SLC9A9: variants seen among roughly 807,000 people sequenced by gnomAD.
SLC9A9 encodes the protein sodium/hydrogen exchanger 9.
A neutral mutation model predicts 77.8 loss-of-function variants in SLC9A9; 62 were observed. The ratio of observed to expected loss-of-function variants is 0.80; its 90% CI spans 0.65 to 0.98. The LOEUF is 0.98. SLC9A9 is among the 50% of genes least tolerant of loss of function. SLC9A9 has a pLI of 0.00. For missense variants in SLC9A9, 775 were observed against 774.9 expected (o/e 1.00, Z 0.00); for synonymous variants, 320 against 283.5 (o/e 1.13, Z -1.29).
At chr3:143,654,674 G>T (rs575835784) in intron 5 of SLC9A9, among the ~76,000 whole-genome samples, 2 of 152,206 alleles carry the variant, frequency 1.3e-5, no homozygotes, top group Non-Finnish European at 2.9e-5. Context: ...TTCTATCATG[G>T]CCTCTCTATT....
At position 143,772,022 on chromosome 3, in the gene SLC9A9, A is replaced by ATGTGTGTGTGTG. The variant is rs55750613; in HGVS notation, c.533+22967_533+22978dup. ...AAGACAGCCTCAGAGCATCCCCAGA[A>ATGTGTGTGTGTG]TGTGTGTGTGTGTGTGTGTGTGTGT... On this transcript the variant is annotated intron_variant, in intron 4 of 15. Coordinates refer to ENST00000316549, the MANE Select transcript of SLC9A9 (RefSeq NM_173653.4). Among the ~76,000 whole-genome samples, 1,335 of 141,686 alleles carry ATGTGTGTGTGTG rather than the reference A, an allele frequency of 9.4e-3. 12 individuals carry two copies. The highest frequency in any genetic ancestry group is 0.016 in the East Asian group (76 of 4,724). 93.0% of individuals were successfully genotyped at this position (141,686 alleles called of 152,430 possible).
intron 4 of SLC9A9, among the ~76,000 whole-genome samples, chr3:143,781,157 G>A (rs540295229): frequency 6.6e-6 from 1 of 152,136 alleles, no homozygotes; most frequent in Admixed American, 6.5e-5. Context: ...TTACATTAGG[G>A]TTCACTATTT....
intron 4 of SLC9A9, among the ~76,000 whole-genome samples, chr3:143,762,668 C>G (rs7612639): frequency 0.41 from 62,856 of 151,960 alleles, 14,045 homozygotes; most frequent in African/African-American, 0.58. Context: ...GCAATTGATA[C>G]ACCTGTGTAT....
chr3:143,318,627 G>T (rs1343636977), intron 14 of SLC9A9, among the ~76,000 whole-genome samples: 2 of 152,096 alleles, frequency 1.3e-5, no homozygotes, highest in Non-Finnish European at 2.9e-5. Flanking sequence ...GCTATTTGTG[G>T]GGTACGAACT....
At chr3:143,472,532 ACT>A (rs2035395977) in intron 11 of SLC9A9, among the ~76,000 whole-genome samples, 1 of 152,158 alleles carries the variant, frequency 6.6e-6, no homozygotes. Context: ...CAAATGAGAC[ACT>A]GTTTTCTCCA....
chr3:143,551,110 T>C (rs565612795), intron 9 of SLC9A9, among the ~76,000 whole-genome samples: 1 of 152,126 alleles, frequency 6.6e-6, no homozygotes, highest in East Asian at 1.9e-4. Flanking sequence ...GCAGGGAGAA[T>C]GCTACATGAA....
intron 4 of SLC9A9, among the ~76,000 whole-genome samples, chr3:143,749,632 C>A (rs576874055): frequency 1.3e-5 from 2 of 152,132 alleles, no homozygotes; most frequent in Non-Finnish European, 2.9e-5. Context: ...GCTAGAGTTG[C>A]GGAGAATGGT....
chr3:143,634,010 T>C (rs1474012557), intron 6 of SLC9A9, among the ~76,000 whole-genome samples: 1 of 152,210 alleles, frequency 6.6e-6, no homozygotes, highest in Non-Finnish European at 1.5e-5. Context: ...TCACATTCTT[T>C]CCCTCAGAAG....
At chr3:143,384,631 G>T (rs1027006391) in intron 12 of SLC9A9, among the ~76,000 whole-genome samples, 2 of 152,222 alleles carry the variant, frequency 1.3e-5, no homozygotes, top group Non-Finnish European at 2.9e-5. Flanking sequence ...ATGGGGCAGA[G>T]GAAGTGATGA....
chr3:143,818,788 A>C (rs1180443551), intron 2 of SLC9A9, among the ~76,000 whole-genome samples: 1 of 152,102 alleles, frequency 6.6e-6, no homozygotes, highest in African/African-American at 2.4e-5. Context: ...AACGGTTAAA[A>C]ACTGGAGGAT....
chr3:143,763,742 T>C (rs1445010095), intron 4 of SLC9A9, among the ~76,000 whole-genome samples: 1 of 151,998 alleles, frequency 6.6e-6, no homozygotes, highest in Non-Finnish European at 1.5e-5. Flanking sequence ...TTTCTTTTTG[T>C]CATAAACCAT....
At chr3:143,777,641 CA>C (rs1361796130) in intron 4 of SLC9A9, among the ~76,000 whole-genome samples, 1 of 151,740 alleles carries the variant, frequency 6.6e-6, no homozygotes, top group Non-Finnish European at 1.5e-5. Flanking sequence ...CACTGTTTCT[CA>C]AACTCTCTGT....
intron 8 of SLC9A9, among the ~76,000 whole-genome samples, chr3:143,567,414 T>C (rs1263689965): frequency 1.3e-5 from 2 of 152,154 alleles, no homozygotes; most frequent in African/African-American, 4.8e-5. Context: ...AATGTCCATT[T>C]CTCTGTACAT....
At chr3:143,402,364 T>C (rs1318032882) in intron 12 of SLC9A9, among the ~76,000 whole-genome samples, 5 of 152,020 alleles carry the variant, frequency 3.3e-5, no homozygotes, top group Non-Finnish European at 5.9e-5. Flanking sequence ...CAATGTAAAG[T>C]GAACTTGAAA....
intron 14 of SLC9A9, among the ~76,000 whole-genome samples, chr3:143,339,081 C>G (rs535881975): frequency 1.8e-3 from 274 of 152,274 alleles, no homozygotes; most frequent in Non-Finnish European, 3.4e-3. Context: ...ATTTCTGTCT[C>G]CTACACAAGG....
intron 12 of SLC9A9, among the ~76,000 whole-genome samples, chr3:143,458,113 T>C (rs956380828): frequency 3.3e-5 from 5 of 152,192 alleles, no homozygotes; most frequent in African/African-American, 9.6e-5. Flanking sequence ...TTTAAAGCTA[T>C]ATTCTTAGGT....
chr3:143,324,792 A>C (rs1173341617), intron 14 of SLC9A9, among the ~76,000 whole-genome samples: 2 of 152,208 alleles, frequency 1.3e-5, no homozygotes, highest in African/African-American at 2.4e-5. Context: ...ACTACACTCC[A>C]GCCTGGGCGA....
intron 12 of SLC9A9, among the ~76,000 whole-genome samples, chr3:143,392,208 C>T (rs1402973035): frequency 2.6e-5 from 4 of 152,248 alleles, no homozygotes; most frequent in East Asian, 1.9e-4. Flanking sequence ...AGAGAAAGGT[C>T]GGGTTACCCA....
At chr3:143,515,148 G>GA (rs1334068007) in intron 9 of SLC9A9, among the ~76,000 whole-genome samples, 1 of 152,186 alleles carries the variant, frequency 6.6e-6, no homozygotes. Flanking sequence ...AGAGATGGGG[G>GA]AATGACCAGT....
Sources: allele counts gnomAD v4.1 joint callset (sites outside exome capture counted in the v4.1 genomes callset), GRCh38; gene constraint gnomAD v4.1.1; transcripts MANE v1.5; gene names NCBI Gene and HGNC (gene_info 2026-07-23, HGNC 2026-07-21).